ABHD12B: variants seen among roughly 807,000 people sequenced by gnomAD.
The protein encoded by ABHD12B is abhydrolase domain containing 12B, also known as protein ABHD12B.
Under a neutral mutation model 50.4 loss-of-function variants are expected in ABHD12B, and 42 were observed. That is an observed-to-expected ratio of 0.83 (90% CI 0.65 to 1.08). The LOEUF (loss-of-function observed/expected upper bound fraction) is 1.08, where lower values mean the gene tolerates loss of function less well. ABHD12B is among the 50% of genes least tolerant of loss of function. The probability of loss-of-function intolerance (pLI) is 0.00; values close to 1 mark genes in which losing one functional copy is unlikely to be tolerated. For missense variants in ABHD12B, 479 were observed against 447.7 expected (o/e 1.07, Z -0.63); for synonymous variants, 167 against 160.3 (o/e 1.04, Z -0.32).
intron 4 of ABHD12B, 101 bp from the exon 5 acceptor site, chr14:50,881,495 G>A (rs564135804): frequency 8.2e-5 from 102 of 1,250,580 alleles, no homozygotes; most frequent in South Asian, 6.9e-4. Flanking sequence ...AGAGAAAGGC[G>A]TGAGATCAGA....
In ABHD12B at chr14:50,904,399, T is replaced by C. The variant is rs2142779135; in HGVS notation, c.*33T>C. On this transcript the variant is annotated 3_prime_UTR_variant, in exon 13 of 13. Transcript: ENST00000337334. ...AGGAGTGGAAATCTTCAATGAAGAC[T>C]TGGCCCAAACACCACCTGTGATGTA... is the stretch of plus-strand genomic sequence containing the variant. 6.2e-7 allele frequency: 1 copy of C among 1,613,604 alleles called. No individual in the cohort carries two copies. The highest frequency in any genetic ancestry group is 8.5e-7 in the Non-Finnish European group (1 of 1,179,778).
chr14:50,885,864 G>T lies in ABHD12B; in HGVS notation c.631G>T (p.Val211Leu). 1 of 1,614,146 alleles carries T rather than the reference G, an allele frequency of 6.2e-7. No homozygotes were observed. Among genetic ancestry groups the T allele is most frequent in the East Asian group, 2.2e-5 (1 of 44,874 alleles). ...WTKARSGITPVCLWGHSLGTG... is the reference protein window; with the variant it reads ...WTKARSGITPLCLWGHSLGTG... ...CAAGGCAAGAAGTGGCATCACTCCC[G>T]TGTGTCTCTGGGGCCACTCTCTGGG... is the stretch of plus-strand genomic sequence containing the variant. The change falls in exon 7 of 13, where the codon GTG becomes TTG. Residue 211 changes from valine (V) to leucine (L), a missense_variant. Physicochemically the swap from Val to Leu is conservative, Grantham distance 32. Coordinates refer to ENST00000337334, the MANE Select transcript of ABHD12B (RefSeq NM_001206673.2).
chr14:50,874,544 G>A (rs1316842256), intron 1 of ABHD12B, among the ~76,000 whole-genome samples: 1 of 151,892 alleles, frequency 6.6e-6, no homozygotes, highest in East Asian at 1.9e-4. Flanking sequence ...AGGTTGGAGT[G>A]AGCCGAGATC....
chr14:50,876,249 C>A (rs550447477), intron 1 of ABHD12B, among the ~76,000 whole-genome samples: 26 of 152,250 alleles, frequency 1.7e-4, no homozygotes, highest in African/African-American at 6.3e-4. Flanking sequence ...ATGATGTATT[C>A]AAAAATCTAT....
intron 3 of ABHD12B, among the ~76,000 whole-genome samples, chr14:50,879,949 T>C (rs1056205553): frequency 6.6e-6 from 1 of 152,246 alleles, no homozygotes; most frequent in Non-Finnish European, 1.5e-5. Context: ...TTTAACAAAG[T>C]GGAGAAACTG....
intron 1 of ABHD12B, among the ~76,000 whole-genome samples, chr14:50,875,868 G>C (rs950351734): frequency 6.6e-6 from 1 of 152,236 alleles, no homozygotes; most frequent in Non-Finnish European, 1.5e-5. Context: ...TACTGCCTCT[G>C]CTTCCCAAGC....
chr14:50,877,122 C>A (rs1006384152), intron 1 of ABHD12B, among the ~76,000 whole-genome samples: 4 of 152,150 alleles, frequency 2.6e-5, no homozygotes, highest in African/African-American at 9.7e-5. Flanking sequence ...GCGCCCATCC[C>A]ACTCCCTGAC....
At chr14:50,878,869 C>A in intron 3 of ABHD12B, 22 bp downstream of exon 3, 1 of 1,599,932 alleles carries the variant, frequency 6.3e-7, no homozygotes. Context: ...GATGGGACAC[C>A]GGGTTGCTTG....
rs775144652 is a variant in ABHD12B at position 50,885,831 on chromosome 14, G to A, written c.598G>A (p.Glu200Lys). 6.2e-7 allele frequency: 1 copy of A among 1,614,170 alleles called. No individual in the cohort carries two copies. The highest frequency in any genetic ancestry group is 1.1e-5 in the South Asian group (1 of 91,068). Residue 200 changes from glutamate to lysine, a missense_variant, in exon 7 of 13, where the codon GAG (glutamate) becomes AAG (lysine). Glu to Lys is a moderately conservative substitution (Grantham distance 56). Transcript: ENST00000337334. ...GACTACGGATGCCATTTGTGTCTAT[G>A]AGTGGACCAAGGCAAGAAGTGGCAT... ...GLTTDAICVY[E>K]WTKARSGITP...
At chr14:50,880,181 C>G (rs559080146) in intron 3 of ABHD12B, among the ~76,000 whole-genome samples, 2 of 152,202 alleles carry the variant, frequency 1.3e-5, no homozygotes, top group Admixed American at 6.5e-5. Flanking sequence ...GAACTGCAGT[C>G]TTGGAAAATT....
In ABHD12B at chr14:50,872,278, G is replaced by T. The variant is rs779097718; in HGVS notation, c.104G>T (p.Arg35Leu). 2 of 1,345,502 alleles carry T rather than the reference G, an allele frequency of 1.5e-6. No homozygotes were observed. The highest frequency in any genetic ancestry group is 1.9e-6 in the Non-Finnish European group (2 of 1,045,436). 83.3% of individuals were successfully genotyped at this position (1,345,502 alleles called of 1,614,324 possible). ...AWWDMVDRNL[R>L]YFPHSCSMLG... The stretch of plus-strand genomic sequence containing the variant: ...TGGGACATGGTCGACCGCAACCTGC[G>T]GTGAGTACCGCCCGGTCCACCCCTG... Residue 35 changes from arginine to leucine, a missense_variant and splice_region_variant, in exon 1 of 13, where the codon CGA becomes CTA. Coordinates refer to ENST00000337334, the MANE Select transcript of ABHD12B (RefSeq NM_001206673.2).
chr14:50,872,747 TC>T (rs935656400), intron 1 of ABHD12B, among the ~76,000 whole-genome samples: 3 of 152,190 alleles, frequency 2.0e-5, no homozygotes, highest in Non-Finnish European at 2.9e-5. Context: ...CGTGCCTAGT[TC>T]CCTGAGTGTG....
intron 9 of ABHD12B, among the ~76,000 whole-genome samples, chr14:50,894,783 C>G (rs1028833951): frequency 1.3e-5 from 2 of 149,626 alleles, no homozygotes; most frequent in Non-Finnish European, 2.9e-5. Flanking sequence ...CCTGTCCCCC[C>G]AGTCCCAACC....
Position 50,878,022 on chromosome 14 carries a change from TC to T in ABHD12B, c.177del (p.Leu60Ter), listed in dbSNP as rs747282062. On this transcript the variant is annotated frameshift_variant, in exon 2 of 13. Transcript: ENST00000337334. LOFTEE classifies it high-confidence loss of function. ...TCTGTATGACAGCTTTACTAGTAAATCCTTAAAAGAACACGTTTTCCTTCCT... is the reference window on the plus strand; with the variant it reads ...TCTGTATGACAGCTTTACTAGTAAATCTTAAAAGAACACGTTTTCCTTCCT... The part of the protein sequence containing the change: ...AALYDSFTSK[S>X]LKEHVFLPLI... 2.1e-5 allele frequency: 32 copies of T among 1,535,184 alleles called. No individual in the cohort carries two copies. Among genetic ancestry groups the T allele is most frequent in the Non-Finnish European group, 2.7e-5 (31 of 1,146,558 alleles).
chr14:50,872,214 C>A lies in ABHD12B; in HGVS notation c.40C>A (p.Pro14Thr). 3 of 1,379,616 alleles carry A rather than the reference C, an allele frequency of 2.2e-6. No homozygotes were observed. Among genetic ancestry groups the A allele is most frequent in the African/African-American group, 1.5e-5 (1 of 66,594 alleles). 85.5% of individuals were successfully genotyped at this position (1,379,616 alleles called of 1,614,324 possible). ...QDCQAAASPE[P>T]PGPPARSCVA... ...CTGCCAGGCGGCCGCATCGCCCGAG[C>A]CGCCCGGGCCCCCAGCCCGTAGCTG... Residue 14 changes from proline (P) to threonine (T), a missense_variant, in exon 1 of 13, where the codon CCG becomes ACG. By Grantham distance (38) the Pro-to-Thr change is conservative (BLOSUM62 -1). Transcript: ENST00000337334.
chr14:50,896,564 A>T (rs1275042640), intron 9 of ABHD12B, among the ~76,000 whole-genome samples: 3 of 148,008 alleles, frequency 2.0e-5, no homozygotes, highest in Non-Finnish European at 4.5e-5. Flanking sequence ...TAACTGAGTG[A>T]TTAACCCTGT....
intron 5 of ABHD12B, among the ~76,000 whole-genome samples, chr14:50,885,190 C>T (rs989394835): frequency 6.6e-6 from 1 of 152,174 alleles, no homozygotes; most frequent in Non-Finnish European, 1.5e-5. Context: ...CACTGAGCCT[C>T]GCCTTCTCAA....
intron 7 of ABHD12B, 130 bp downstream of exon 7, chr14:50,886,025 A>T: frequency 7.6e-7 from 1 of 1,323,826 alleles, no homozygotes; most frequent in Non-Finnish European, 1.0e-6. Context: ...ATTTTCACAC[A>T]CTAGAAGTGG....
At chr14:50,879,095 C>T (rs2049902926) in intron 3 of ABHD12B, among the ~76,000 whole-genome samples, 1 of 152,216 alleles carries the variant, frequency 6.6e-6, no homozygotes, top group Non-Finnish European at 1.5e-5. Context: ...TTATTCCATA[C>T]CACCCTTGCC....
Sources: gnomAD v4.1 joint callset for allele counts (sites outside exome capture counted in the v4.1 genomes callset) on GRCh38, gnomAD v4.1.1 for gene constraint, MANE v1.5 for transcripts, NCBI Gene and HGNC (gene_info 2026-07-23, HGNC 2026-07-21) for gene names.